Variants in SEPTIN6 observed in about 807,000 individuals in gnomAD.
SEPTIN6 encodes septin 6.
Under a neutral mutation model 33.6 loss-of-function variants are expected in SEPTIN6, and 8 were observed. That is an observed-to-expected ratio of 0.24 (90% CI 0.14 to 0.43). The LOEUF (loss-of-function observed/expected upper bound fraction) is 0.43. SEPTIN6 is among the 20% of genes least tolerant of loss of function. The pLI is 1.00. For missense variants in SEPTIN6, 250 were observed against 340.8 expected (o/e 0.73, Z 2.10); for synonymous variants, 131 against 140.0 (o/e 0.94, Z 0.45).
At chrX:119,654,334 T>C (rs768921510) in intron 3 of SEPTIN6, among the ~76,000 whole-genome samples, 1 of 111,393 alleles carries the variant, frequency 9.0e-6, no homozygotes, top group Admixed American at 9.6e-5. Context: ...CTACGGCCTC[T>C]TTCTGCTCTA....
intron 8 of SEPTIN6, among the ~76,000 whole-genome samples, chrX:119,631,043 G>C (rs1220181792): frequency 9.0e-6 from 1 of 111,646 alleles, no homozygotes. Context: ...GGATTCAGGA[G>C]AGAGTTTAGG....
At chrX:119,627,081 C>A (rs985439226) in intron 9 of SEPTIN6, among the ~76,000 whole-genome samples, 1 of 111,813 alleles carries the variant, frequency 8.9e-6, no homozygotes, top group Admixed American at 9.6e-5. Flanking sequence ...GCAAAAGTTA[C>A]CATGTTATTC....
Position 119,619,571 on chromosome X carries a change from A to G in SEPTIN6, c.*522T>C. ...CTGTCCTTTTGAAACCCTCTAAGAAATGGCTGTGGCTCCTGAGGATGAGGG... is the reference window on the plus strand; with the variant it reads ...CTGTCCTTTTGAAACCCTCTAAGAAGTGGCTGTGGCTCCTGAGGATGAGGG... On this transcript the variant is annotated 3_prime_UTR_variant, in exon 11 of 11. Coordinates refer to ENST00000394610, the MANE Select transcript of SEPTIN6 (RefSeq NM_145799.4). 1 of 821,564 alleles carries G rather than the reference A, an allele frequency of 1.2e-6. No individual in the cohort carries two copies. The highest frequency in any genetic ancestry group is 1.5e-6 in the Non-Finnish European group (1 of 681,354). The allele number at this position is 821,564 out of a possible 1,213,427, so 67.7% of individuals were successfully genotyped here.
At chrX:119,666,651 T>C (rs1354896998) in intron 2 of SEPTIN6, among the ~76,000 whole-genome samples, 1 of 111,349 alleles carries the variant, frequency 9.0e-6, no homozygotes, top group East Asian at 2.8e-4. Context: ...ACTTGGTAAA[T>C]TGCCAGAGTG....
chrX:119,676,153 C>T (rs895514562), intron 1 of SEPTIN6, among the ~76,000 whole-genome samples: 1 of 111,923 alleles, frequency 8.9e-6, no homozygotes, highest in Non-Finnish European at 1.9e-5. Flanking sequence ...GTAAGTATTA[C>T]GAAAAGGGTT....
At chrX:119,627,333 AT>A (rs762566323) in intron 9 of SEPTIN6, among the ~76,000 whole-genome samples, 20 of 110,242 alleles carry the variant, frequency 1.8e-4, no homozygotes, top group Middle Eastern at 9.4e-3. Flanking sequence ...CCGTTGAAAT[AT>A]TTTTCTCCAG....
chrX:119,680,553 A>C (rs1324093094), intron 1 of SEPTIN6, among the ~76,000 whole-genome samples: 2 of 110,475 alleles, frequency 1.8e-5, no homozygotes, highest in East Asian at 5.6e-4. Context: ...TCTGTTACCC[A>C]GTGTCCAATA....
At chrX:119,635,210 G>A (rs1021128566) in intron 7 of SEPTIN6, 12 of 299,453 alleles carry the variant, frequency 4.0e-5, no homozygotes, top group Non-Finnish European at 7.9e-5. Flanking sequence ...GGAGACACAT[G>A]CTTAAGAGGG....
chrX:119,674,955 C>T (rs1057063474), intron 2 of SEPTIN6, among the ~76,000 whole-genome samples: 1 of 109,998 alleles, frequency 9.1e-6, no homozygotes, highest in African/African-American at 3.3e-5. Context: ...ACCTGTAATC[C>T]TAGCACTTTG....
intron 6 of SEPTIN6, among the ~76,000 whole-genome samples, chrX:119,639,119 CT>C (rs1353938527): frequency 8.9e-6 from 1 of 112,429 alleles, no homozygotes; most frequent in Non-Finnish European, 1.9e-5. Flanking sequence ...TAGCACAGCT[CT>C]GATAACCAGT....
At chrX:119,658,845 T>C (rs1417808890) in intron 3 of SEPTIN6, among the ~76,000 whole-genome samples, 1 of 112,636 alleles carries the variant, frequency 8.9e-6, no homozygotes, top group African/African-American at 3.2e-5. Context: ...TTATTTCTCA[T>C]TGAATTGTAG....
chrX:119,651,699 T>C (rs2054354568), intron 4 of SEPTIN6, among the ~76,000 whole-genome samples: 1 of 111,757 alleles, frequency 8.9e-6, no homozygotes, highest in African/African-American at 3.2e-5. Flanking sequence ...TAAATATATA[T>C]GTATCTATCT....
At chrX:119,632,654 G>A (rs766993351) in intron 8 of SEPTIN6, among the ~76,000 whole-genome samples, 1 of 110,655 alleles carries the variant, frequency 9.0e-6, no homozygotes, top group Non-Finnish European at 1.9e-5. Context: ...TTGAGATGGA[G>A]TCTTGCTCTG....
chrX:119,625,194 T>C, intron 10 of SEPTIN6, 141 bp downstream of exon 10: 1 of 469,050 alleles, frequency 2.1e-6, no homozygotes, highest in Admixed American at 3.6e-5. Context: ...TATTTCTGCA[T>C]ATTATAAGTC....
At chrX:119,664,663 A>T (rs1417789069) in intron 2 of SEPTIN6, among the ~76,000 whole-genome samples, 1 of 108,141 alleles carries the variant, frequency 9.2e-6, no homozygotes, top group African/African-American at 3.4e-5. Flanking sequence ...CCCTGTCTCT[A>T]CCAAAAAATA....
intron 4 of SEPTIN6, 125 bp downstream of exon 4, chrX:119,652,729 A>T: frequency 1.8e-6 from 1 of 541,516 alleles, no homozygotes; most frequent in Non-Finnish European, 3.0e-6. Flanking sequence ...CACCATCTTT[A>T]TGGAGGGACA....
rs147901892 is a variant in SEPTIN6, at chrX:119,688,822, T to A, written c.30+4254A>T. Among the ~76,000 whole-genome samples, 622 of 111,457 alleles carry A rather than the reference T, an allele frequency of 5.6e-3. 3 individuals carry two copies. The highest frequency in any genetic ancestry group is 0.019 in the African/African-American group (597 of 30,677). On this transcript the variant is annotated intron_variant, in intron 1 of 10. Transcript: ENST00000394610. ...CCCTCAAATTTAGAATCAACATTTT[T>A]AAATATTTAGGGCCATGTAAACTTT...
At chrX:119,615,934 C>T (rs766782918), downstream of SEPTIN6, 6 of 166,757 alleles carry the variant, frequency 3.6e-5, no homozygotes, top group South Asian at 1.6e-3. Context: ...TCTCAAGAGA[C>T]ACTGAACAGC....
At chrX:119,645,000 C>T (rs1192220734) in intron 5 of SEPTIN6, among the ~76,000 whole-genome samples, 17 of 104,853 alleles carry the variant, frequency 1.6e-4, no homozygotes, top group African/African-American at 3.1e-4. Context: ...CTCCGCCTCC[C>T]GGGTTCAAGC....
Sources: gnomAD v4.1 joint callset for allele counts (sites outside exome capture counted in the v4.1 genomes callset) on GRCh38, gnomAD v4.1.1 for gene constraint, MANE v1.5 for transcripts, NCBI Gene and HGNC (gene_info 2026-07-23, HGNC 2026-07-21) for gene names.